Variants in RAD51 observed in about 807,000 individuals in gnomAD.
RAD51 encodes the protein DNA repair protein RAD51 homolog 1.
In RAD51, 14 loss-of-function variants were observed where a neutral mutation model predicts 41.5. The observed-to-expected ratio is 0.34, with a 90% CI of 0.22 to 0.53. The LOEUF (loss-of-function observed/expected upper bound fraction) is 0.53. RAD51 is among the 20% of genes least tolerant of loss of function. RAD51 has a pLI of 0.95. For synonymous variants in RAD51, 136 were observed against 148.6 expected, an observed-to-expected ratio of 0.92 and a Z score of 0.62; for missense variants, 234 against 422.0, an observed-to-expected ratio of 0.55 and a Z score of 3.90.
At chr15:40,728,600 T>G in intron 6 of RAD51, 111 bp from the exon 7 acceptor site, 1 of 884,182 alleles carries the variant, frequency 1.1e-6, no homozygotes. Context: ...CTGAAACTAC[T>G]GTCAGTACCA....
chr15:40,731,954 G>A lies in RAD51; in HGVS notation c.*776G>A, dbSNP rs764494171. On this transcript the variant is annotated 3_prime_UTR_variant, in exon 10 of 10. Coordinates refer to ENST00000267868, the MANE Select transcript of RAD51 (RefSeq NM_002875.5). The stretch of plus-strand genomic sequence containing the variant: ...ACTTAATCTGGACACACTGTTACAC[G>A]TGCCTGTAGTCCCAGCTACTCGATA... 42 of 207,882 alleles carry A rather than the reference G, an allele frequency of 2.0e-4. 1 individual carries two copies. Among genetic ancestry groups the A allele is most frequent in the South Asian group, 9.4e-4 (5 of 5,324 alleles). 12.9% of individuals were successfully genotyped at this position (207,882 alleles called of 1,614,324 possible).
intron 2 of RAD51, among the ~76,000 whole-genome samples, chr15:40,699,266 C>T (rs576013581): frequency 3.3e-5 from 5 of 152,332 alleles, no homozygotes; most frequent in African/African-American, 1.2e-4. Flanking sequence ...GCCTCAGCCT[C>T]CCAAGTAGCT....
chr15:40,718,720 G>A (rs1278952837), intron 5 of RAD51, 85 bp from the exon 6 acceptor site: 2 of 1,187,906 alleles, frequency 1.7e-6, no homozygotes, highest in African/African-American at 3.0e-5. Context: ...TTGCCTTGGA[G>A]GAATTATAAA....
chr15:40,697,143 C>T (rs569084697), intron 1 of RAD51, among the ~76,000 whole-genome samples: 1 of 152,118 alleles, frequency 6.6e-6, no homozygotes, highest in Admixed American at 6.6e-5. Flanking sequence ...TCTTGTTGCC[C>T]AGGCTGGAGT....
chr15:40,731,369 A>T lies in RAD51; in HGVS notation c.*191A>T. The T allele has an allele frequency of 1.5e-6, 1 of 677,726 alleles. No homozygotes were observed. The highest frequency in any genetic ancestry group is 2.5e-6 in the Non-Finnish European group (1 of 404,336). The allele number at this position is 677,726 out of a possible 1,614,324, so 42.0% of individuals were successfully genotyped here. ...GGTCAGTAGTCACAAACTGATCTAA[A>T]ATGTTTATTCCTTCTGTAGTGTATT... is the stretch of plus-strand genomic sequence containing the variant. On this transcript the variant is annotated 3_prime_UTR_variant, in exon 10 of 10. Transcript: ENST00000267868.
chr15:40,709,371 CTTTTTTT>C (rs772005920), intron 5 of RAD51, among the ~76,000 whole-genome samples: 2 of 110,890 alleles, frequency 1.8e-5, no homozygotes, highest in East Asian at 2.8e-4. Context: ...TTACTTGCTA[CTTTTTTT>C]TTTTTTTTTT....
At chr15:40,730,695 T>G (rs866032305) in intron 9 of RAD51, among the ~76,000 whole-genome samples, 1 of 151,552 alleles carries the variant, frequency 6.6e-6, no homozygotes, top group South Asian at 2.1e-4. Flanking sequence ...CTAATTTTTT[T>G]GTATTTTTAG....
intron 6 of RAD51, among the ~76,000 whole-genome samples, chr15:40,725,509 C>T (rs45538640): frequency 0.019 from 2,919 of 152,190 alleles, 100 homozygotes; most frequent in African/African-American, 0.067. Flanking sequence ...TAATTTTTGC[C>T]GTGCCCTGTT....
chr15:40,700,184 A>C (rs1439383316), intron 2 of RAD51, among the ~76,000 whole-genome samples: 1 of 152,162 alleles, frequency 6.6e-6, no homozygotes, highest in Non-Finnish European at 1.5e-5. Flanking sequence ...ACATTCACCT[A>C]CTAACTCATG....
At chr15:40,730,308 G>A (rs554932542) in intron 9 of RAD51, among the ~76,000 whole-genome samples, 3 of 151,960 alleles carry the variant, frequency 2.0e-5, no homozygotes, top group Non-Finnish European at 4.4e-5. Context: ...CCAGGAATTC[G>A]ACACTAGTAA....
intron 5 of RAD51, among the ~76,000 whole-genome samples, 199 bp from the exon 6 acceptor site, chr15:40,718,606 C>A (rs1417196717): frequency 6.6e-6 from 1 of 152,020 alleles, no homozygotes; most frequent in Non-Finnish European, 1.5e-5. Flanking sequence ...GCTGTATGTA[C>A]TGAGACACAA....
At chr15:40,716,516 C>T (rs973547569) in intron 5 of RAD51, among the ~76,000 whole-genome samples, 7 of 152,096 alleles carry the variant, frequency 4.6e-5, no homozygotes, top group East Asian at 1.9e-4. Flanking sequence ...CAGGTGTGCA[C>T]CACCACGCCC....
chr15:40,717,211 G>A (rs961046638), intron 5 of RAD51, among the ~76,000 whole-genome samples: 1 of 152,000 alleles, frequency 6.6e-6, no homozygotes, highest in Admixed American at 6.6e-5. Flanking sequence ...GGTGGTGCAT[G>A]CCTGAAATCC....
intron 3 of RAD51, among the ~76,000 whole-genome samples, chr15:40,704,390 C>T (rs1184495857): frequency 4.5e-5 from 6 of 134,302 alleles, no homozygotes; most frequent in Non-Finnish European, 9.4e-5. Context: ...CTGATGCAGT[C>T]TCACTCTCTT....
In RAD51 at chr15:40,728,876, A is replaced by T. The variant is rs747046796; in HGVS notation, c.644+52A>T. The T allele has an allele frequency of 1.5e-5, 22 of 1,446,042 alleles. 1 individual carries two copies. In the South Asian group the frequency reaches 2.2e-4, roughly 14 times the overall value. 89.6% of individuals were successfully genotyped at this position (1,446,042 alleles called of 1,614,324 possible). On this transcript the variant is annotated intron_variant, in intron 7 of 9. Coordinates refer to ENST00000267868, the MANE Select transcript of RAD51 (RefSeq NM_002875.5). ...TATGTTCTTAAGAGTCCTTCCCTGAATCTTGTAATGGCTATTTGGCCAGAT... is the reference window on the plus strand; with the variant it reads ...TATGTTCTTAAGAGTCCTTCCCTGATTCTTGTAATGGCTATTTGGCCAGAT...
chr15:40,724,240 G>A (rs1896427027), intron 6 of RAD51, among the ~76,000 whole-genome samples: 1 of 152,076 alleles, frequency 6.6e-6, no homozygotes, highest in Admixed American at 6.6e-5. Flanking sequence ...ATACTTAATT[G>A]TGTCTTCCCT....
chr15:40,707,149 A>ATTTTT (rs1895397906), intron 4 of RAD51, among the ~76,000 whole-genome samples: 2 of 119,382 alleles, frequency 1.7e-5, no homozygotes. Context: ...CCACCTGGCT[A>ATTTTT]ATTTTTTTTT....
chr15:40,697,574 C>CTCTTT (rs1223345504), intron 1 of RAD51, among the ~76,000 whole-genome samples: 2 of 105,516 alleles, frequency 1.9e-5, no homozygotes, highest in African/African-American at 7.6e-5. Context: ...GATGATATTT[C>CTCTTT]TTTTTTTTTT....
intron 3 of RAD51, among the ~76,000 whole-genome samples, 168 bp downstream of exon 3, chr15:40,701,369 T>C (rs534707018): frequency 7.3e-6 from 1 of 137,586 alleles, no homozygotes; most frequent in South Asian, 2.4e-4. Context: ...TTCTTTTTTT[T>C]TTCTTTCTTT....
Sources: gnomAD v4.1 joint callset for allele counts (sites outside exome capture counted in the v4.1 genomes callset) on GRCh38, gnomAD v4.1.1 for gene constraint, MANE v1.5 for transcripts, NCBI Gene and HGNC (gene_info 2026-07-23, HGNC 2026-07-21) for gene names.